Variants in ECT2L observed in about 807,000 individuals in gnomAD.
The protein encoded by ECT2L is epithelial cell transforming 2 like.
In ECT2L, 126 loss-of-function variants were observed where a neutral mutation model predicts 122.8. The observed-to-expected ratio is 1.03, with a 90% CI of 0.89 to 1.19. ECT2L has a LOEUF of 1.19. ECT2L is among the 50% of genes most tolerant of loss of function. ECT2L has a pLI of 0.00. For missense variants in ECT2L, 1,012 were observed against 1,064.1 expected, an observed-to-expected ratio of 0.95 and a Z score of 0.68; for synonymous variants, 385 against 381.8, an observed-to-expected ratio of 1.01 and a Z score of -0.10.
At chr6:138,888,320 T>TC (rs35900164) in intron 19 of ECT2L, among the ~76,000 whole-genome samples, 18 of 124,878 alleles carry the variant, frequency 1.4e-4, no homozygotes, top group East Asian at 6.2e-4. Context: ...TTCTTTTCTT[T>TC]TTTTTTTTTT....
intron 20 of ECT2L, among the ~76,000 whole-genome samples, chr6:138,890,087 A>C (rs1778965270): frequency 6.6e-6 from 1 of 152,232 alleles, no homozygotes. Flanking sequence ...TAGTGTGGTG[A>C]TATCTGCTTT....
chr6:138,886,219 TGAA>T (rs1369466245), intron 18 of ECT2L, among the ~76,000 whole-genome samples: 3 of 152,182 alleles, frequency 2.0e-5, no homozygotes, highest in African/African-American at 7.2e-5. Flanking sequence ...AATTATTCTC[TGAA>T]GAAGTAATTA....
intron 4 of ECT2L, among the ~76,000 whole-genome samples, chr6:138,826,612 A>G (rs1776461415): frequency 6.6e-6 from 1 of 152,100 alleles, no homozygotes; most frequent in African/African-American, 2.4e-5. Flanking sequence ...GATTGCAGTG[A>G]GCCGAGATTG....
intron 4 of ECT2L, among the ~76,000 whole-genome samples, chr6:138,816,502 T>G (rs978769351): frequency 7.2e-5 from 11 of 152,134 alleles, no homozygotes; most frequent in Non-Finnish European, 1.2e-4. Context: ...ATTTTTTTTT[T>G]GAGATGGAGT....
At chr6:138,869,903 C>G (rs1778188081) in intron 13 of ECT2L, among the ~76,000 whole-genome samples, 1 of 152,134 alleles carries the variant, frequency 6.6e-6, no homozygotes, top group East Asian at 1.9e-4. Flanking sequence ...TTCCAAAGAT[C>G]TTGAGAGACC....
intron 4 of ECT2L, among the ~76,000 whole-genome samples, chr6:138,830,497 T>G (rs1776611350): frequency 6.6e-6 from 1 of 152,020 alleles, no homozygotes; most frequent in South Asian, 2.1e-4. Flanking sequence ...TGCTCTAGAG[T>G]CATCTGCAGG....
intron 4 of ECT2L, among the ~76,000 whole-genome samples, chr6:138,821,804 A>G (rs998035): frequency 0.36 from 54,603 of 152,160 alleles, 10,048 homozygotes; most frequent in Admixed American, 0.47. Flanking sequence ...ATAAAACTAA[A>G]ATAGAAAAAG....
chr6:138,850,466 G>C (rs967219059), intron 9 of ECT2L, among the ~76,000 whole-genome samples: 1 of 152,126 alleles, frequency 6.6e-6, no homozygotes, highest in Non-Finnish European at 1.5e-5. Flanking sequence ...ATGTCACTTG[G>C]TATAATGTCC....
Position 138,866,149 on chromosome 6 carries a change from G to GTTT in ECT2L, c.1474+986_1474+988dup, listed in dbSNP as rs56300933. ...AAACAGGGAGAAAGTATTTTTCATA[G>GTTT]TTTTTTTTTTTTTTTTTGAGACAGA... On this transcript the variant is annotated intron_variant, in intron 12 of 21. Coordinates refer to ENST00000541398, the MANE Select transcript of ECT2L (RefSeq NM_001077706.3). Among the ~76,000 whole-genome samples the GTTT allele has an allele frequency of 2.5e-3, 341 of 134,410 alleles. 3 individuals carry two copies. The highest frequency in any genetic ancestry group is 7.8e-3 in the Middle Eastern group (2 of 258). 88.2% of individuals were successfully genotyped at this position (134,410 alleles called of 152,430 possible).
intron 1 of ECT2L, among the ~76,000 whole-genome samples, chr6:138,799,206 T>G (rs544672486): frequency 1.3e-5 from 2 of 152,346 alleles, no homozygotes; most frequent in Non-Finnish European, 2.9e-5. Context: ...TCTAGTATAA[T>G]TTTGAAACTT....
chr6:138,806,616 G>A (rs532544187), intron 1 of ECT2L, among the ~76,000 whole-genome samples: 5 of 147,154 alleles, frequency 3.4e-5, no homozygotes, highest in African/African-American at 1.3e-4. Flanking sequence ...AGGTTCAAGC[G>A]ATTCTCCTGT....
At chr6:138,897,668 T>C (rs1779263319) in intron 20 of ECT2L, among the ~76,000 whole-genome samples, 1 of 152,220 alleles carries the variant, frequency 6.6e-6, no homozygotes, top group African/African-American at 2.4e-5. Context: ...ATAAAAATTA[T>C]ATATAAAATA....
intron 13 of ECT2L, 119 bp from the exon 14 acceptor site, chr6:138,876,353 G>A: frequency 1.6e-6 from 1 of 643,626 alleles, no homozygotes; most frequent in Non-Finnish European, 2.8e-6. Context: ...TTGTGTGTAG[G>A]GAACACTGTG....
chr6:138,799,707 A>T (rs1775475159), intron 1 of ECT2L, among the ~76,000 whole-genome samples: 2 of 152,128 alleles, frequency 1.3e-5, no homozygotes, highest in South Asian at 4.1e-4. Flanking sequence ...CTACAGGTGA[A>T]TGCCGCCACA....
chr6:138,860,286 G>A (rs929698052), intron 10 of ECT2L, among the ~76,000 whole-genome samples: 1 of 151,692 alleles, frequency 6.6e-6, no homozygotes, highest in East Asian at 1.9e-4. Flanking sequence ...TGACTTTTAG[G>A]TCTGTGATCC....
chr6:138,798,830 C>G (rs533200431), intron 1 of ECT2L, among the ~76,000 whole-genome samples: 4 of 152,206 alleles, frequency 2.6e-5, no homozygotes, highest in Non-Finnish European at 4.4e-5. Flanking sequence ...GAAAACCTAA[C>G]TTAGGAGTAT....
At chr6:138,874,150 T>C (rs1778361218) in intron 13 of ECT2L, among the ~76,000 whole-genome samples, 1 of 152,110 alleles carries the variant, frequency 6.6e-6, no homozygotes, top group African/African-American at 2.4e-5. Flanking sequence ...GCATCAACAA[T>C]GACTAGAATG....
chr6:138,823,393 T>C, intron 4 of ECT2L: 1 of 1,608,558 alleles, frequency 6.2e-7, no homozygotes, highest in Admixed American at 1.7e-5. Flanking sequence ...TTTCTTATTA[T>C]GGGGGTGTGC....
intron 1 of ECT2L, among the ~76,000 whole-genome samples, chr6:138,808,554 A>G (rs987112944): frequency 2.0e-5 from 3 of 152,156 alleles, no homozygotes; most frequent in African/African-American, 7.2e-5. Context: ...TTGCTTATTA[A>G]ATGTTATTAG....
Sources: allele counts gnomAD v4.1 joint callset (sites outside exome capture counted in the v4.1 genomes callset), GRCh38; gene constraint gnomAD v4.1.1; transcripts MANE v1.5; gene names NCBI Gene and HGNC (gene_info 2026-07-23, HGNC 2026-07-21).